NTM: variants seen among roughly 807,000 people sequenced by gnomAD.
The protein encoded by NTM is IgLON family member 2.
Under a neutral mutation model 42.1 loss-of-function variants are expected in NTM, and 13 were observed. That is an observed-to-expected ratio of 0.31 (90% CI 0.20 to 0.49). The LOEUF is 0.49. Ranked by LOEUF, NTM falls within the 20% of genes least tolerant of loss-of-function variation. The probability of loss-of-function intolerance (pLI) is 0.99; values close to 1 mark genes in which losing one functional copy is unlikely to be tolerated. For missense variants in NTM, 373 were observed against 452.8 expected (o/e 0.82, Z 1.60); for synonymous variants, 187 against 179.2 (o/e 1.04, Z -0.35).
chr11:131,452,407 C>T (rs1314514339), intron 1 of NTM, among the ~76,000 whole-genome samples: 2 of 152,176 alleles, frequency 1.3e-5, no homozygotes, highest in South Asian at 2.1e-4. Flanking sequence ...AGACATTTCC[C>T]GTTTCCCGAG....
At chr11:131,982,707 A>T (rs1203962832) in intron 2 of NTM, among the ~76,000 whole-genome samples, 5 of 152,224 alleles carry the variant, frequency 3.3e-5, no homozygotes, top group Non-Finnish European at 7.3e-5. Flanking sequence ...AGGTTGTTTT[A>T]TTCATTACAC....
intron 1 of NTM, among the ~76,000 whole-genome samples, chr11:131,452,749 C>T (rs568201639): frequency 6.6e-6 from 1 of 152,298 alleles, no homozygotes; most frequent in Admixed American, 6.5e-5. Flanking sequence ...CCTGAGAGCT[C>T]CTGCACCCTT....
intron 1 of NTM, among the ~76,000 whole-genome samples, chr11:131,406,168 T>C (rs376389251): frequency 6.6e-6 from 1 of 152,306 alleles, no homozygotes; most frequent in African/African-American, 2.4e-5. Flanking sequence ...CTTAAGGTGG[T>C]ATTTGGTAAA....
At chr11:131,615,254 G>A (rs1310194926) in intron 1 of NTM, among the ~76,000 whole-genome samples, 2 of 152,164 alleles carry the variant, frequency 1.3e-5, no homozygotes, top group African/African-American at 4.8e-5. Context: ...AGATTCCTCT[G>A]TGGCAATATA....
intron 2 of NTM, among the ~76,000 whole-genome samples, chr11:132,141,955 C>A (rs755476328): frequency 6.6e-6 from 1 of 152,106 alleles, no homozygotes; most frequent in African/African-American, 2.4e-5. Flanking sequence ...GGCTGCAGTG[C>A]GGGGCAACTG....
At chr11:131,690,864 C>T (rs1011963087) in intron 1 of NTM, among the ~76,000 whole-genome samples, 7 of 152,164 alleles carry the variant, frequency 4.6e-5, no homozygotes, top group Middle Eastern at 3.2e-3. Context: ...TTTGTCCTGT[C>T]CACCCCGTCA....
At chr11:132,289,389 G>T (rs913884344) in intron 4 of NTM, among the ~76,000 whole-genome samples, 2 of 152,136 alleles carry the variant, frequency 1.3e-5, no homozygotes, top group Non-Finnish European at 2.9e-5. Context: ...GTACTGTCCT[G>T]GGTGAGTTCC....
At chr11:132,071,734 AAGAG>A (rs1442376110) in intron 2 of NTM, among the ~76,000 whole-genome samples, 1 of 152,164 alleles carries the variant, frequency 6.6e-6, no homozygotes, top group African/African-American at 2.4e-5. Flanking sequence ...TTTTGTGTGA[AAGAG>A]AGAAAGAACA....
intron 1 of NTM, among the ~76,000 whole-genome samples, chr11:131,615,981 G>A (rs943408580): frequency 2.0e-5 from 3 of 152,260 alleles, no homozygotes; most frequent in Non-Finnish European, 2.9e-5. Flanking sequence ...AAGGCTAAGC[G>A]TGGCTGGGTG....
intron 2 of NTM, among the ~76,000 whole-genome samples, chr11:131,998,628 C>T (rs187732547): frequency 6.6e-6 from 1 of 152,286 alleles, no homozygotes; most frequent in Admixed American, 6.5e-5. Context: ...GACACAATCT[C>T]ATACTCCGTC....
chr11:132,095,437 A>T (rs1031126398), intron 2 of NTM, among the ~76,000 whole-genome samples: 3 of 152,078 alleles, frequency 2.0e-5, no homozygotes, highest in African/African-American at 4.8e-5. Flanking sequence ...TGTGGCCAGG[A>T]TGTTCAGGAA....
chr11:132,214,874 T>C (rs747735057), intron 4 of NTM, among the ~76,000 whole-genome samples: 3 of 152,210 alleles, frequency 2.0e-5, no homozygotes, highest in Non-Finnish European at 2.9e-5. Flanking sequence ...AACAGTGTTT[T>C]CCAGATCTCA....
chr11:132,329,774 C>T (rs2095761471), intron 7 of NTM, among the ~76,000 whole-genome samples: 2 of 152,212 alleles, frequency 1.3e-5, no homozygotes, highest in South Asian at 4.1e-4. Context: ...AGCCTGATGA[C>T]CAAAGAAAGT....
chr11:132,271,806 T>C (rs975197945), intron 4 of NTM, among the ~76,000 whole-genome samples: 5 of 151,804 alleles, frequency 3.3e-5, no homozygotes, highest in African/African-American at 1.2e-4. Flanking sequence ...CCTAATCAGA[T>C]ATATGATTGG....
intron 1 of NTM, among the ~76,000 whole-genome samples, chr11:131,515,218 G>A (rs186580210): frequency 1.3e-5 from 2 of 152,288 alleles, no homozygotes; most frequent in African/African-American, 4.8e-5. Context: ...CACGGTGAGT[G>A]TTACTTCTGA....
intron 1 of NTM, among the ~76,000 whole-genome samples, chr11:131,891,660 G>C (rs1221621532): frequency 6.6e-6 from 1 of 152,164 alleles, no homozygotes; most frequent in African/African-American, 2.4e-5. Flanking sequence ...TGCGGTGGGA[G>C]TTGTGTCACT....
intron 1 of NTM, among the ~76,000 whole-genome samples, chr11:131,646,396 T>G (rs568061661): frequency 6.6e-6 from 1 of 152,310 alleles, no homozygotes; most frequent in Non-Finnish European, 1.5e-5. Flanking sequence ...GAAAAAAAAT[T>G]CTACAAGTCC....
intron 1 of NTM, among the ~76,000 whole-genome samples, chr11:131,596,471 G>A (rs1475410032): frequency 6.6e-6 from 1 of 152,212 alleles, no homozygotes; most frequent in Non-Finnish European, 1.5e-5. Flanking sequence ...GGCGGAATCT[G>A]GCCCAAGGCC....
chr11:132,318,075 A>G (rs939164891), intron 7 of NTM, among the ~76,000 whole-genome samples: 2 of 152,196 alleles, frequency 1.3e-5, no homozygotes, highest in African/African-American at 4.8e-5. Context: ...GTCAGACACC[A>G]AGCACATGAT....
Sources: gnomAD v4.1 joint callset for allele counts (sites outside exome capture counted in the v4.1 genomes callset) on GRCh38, gnomAD v4.1.1 for gene constraint, MANE v1.5 for transcripts, NCBI Gene and HGNC (gene_info 2026-07-23, HGNC 2026-07-21) for gene names.